KIF4A: variants seen among roughly 807,000 people sequenced by gnomAD.
KIF4A encodes kinesin family member 4A.
A neutral mutation model predicts 105.9 loss-of-function variants in KIF4A; 7 were observed. The observed-to-expected ratio is 0.07, with a 90% confidence interval of 0.04 to 0.12. KIF4A has a LOEUF of 0.12. Ranked by LOEUF, KIF4A falls within the 10% of genes least tolerant of loss-of-function variation. The pLI, the probability that KIF4A is intolerant of heterozygous loss-of-function variation, is 1.00. For synonymous variants in KIF4A, 281 were observed against 331.3 expected, an observed-to-expected ratio of 0.85 and a Z score of 1.65; for missense variants, 558 against 929.2, an observed-to-expected ratio of 0.60 and a Z score of 5.19.
At chrX:70,377,231 C>A (rs1421939923) in intron 18 of KIF4A, among the ~76,000 whole-genome samples, 1 of 110,857 alleles carries the variant, frequency 9.0e-6, no homozygotes, top group Non-Finnish European at 1.9e-5. Context: ...CACCATCACA[C>A]CTGGCAAATT....
intron 13 of KIF4A, among the ~76,000 whole-genome samples, chrX:70,349,080 AG>A (rs2086008390): frequency 1.0e-5 from 1 of 97,083 alleles, no homozygotes; most frequent in Admixed American, 1.1e-4. Flanking sequence ...CACCTCCCAG[AG>A]GGGGCGGCCG....
At position 70,370,385 on chromosome X, in the gene KIF4A, TA is replaced by T. The variant is rs759761127; in HGVS notation, c.1675-3765del. Among the ~76,000 whole-genome samples, 460 of 108,823 alleles carry T rather than the reference TA, an allele frequency of 4.2e-3. 4 individuals are homozygous for T. Among genetic ancestry groups the T allele is most frequent in the African/African-American group, 0.014 (436 of 30,221 alleles). The allele number at this position is 108,823 out of a possible 115,157, so 94.5% of individuals were successfully genotyped here. On this transcript the variant is annotated intron_variant, in intron 15 of 30. Transcript: ENST00000374403. ...AGACTTGACCTTTACAAGTATTATC[TA>T]TTTTTTTATATAAATATATTTATAT...
intron 20 of KIF4A, among the ~76,000 whole-genome samples, chrX:70,387,590 G>T (rs1310259320): frequency 8.9e-6 from 1 of 111,772 alleles, no homozygotes; most frequent in East Asian, 2.8e-4. Flanking sequence ...CAATTTGGCC[G>T]GGCATGGTGG....
chrX:70,375,292 C>G lies in KIF4A; in HGVS notation c.1867C>G (p.Leu623Val), dbSNP rs753527161. The change falls in exon 17 of 31, where the codon CTG (leucine) becomes GTG (valine). Residue 623 changes from leucine to valine, a missense_variant. Physicochemically the swap from Leu to Val is conservative, Grantham distance 32. Transcript: ENST00000374403. Reference protein sequence around the residue: ...KKKLNEQSKLLKLKESTERTV... With the variant: ...KKKLNEQSKLVKLKESTERTV... The stretch of plus-strand genomic sequence containing the variant: ...GAAACTGAATGAGCAGTCCAAACTT[C>G]TGAAACTAAAGGAATCCACAGAGCG... 8.3e-7 allele frequency: 1 copy of G among 1,209,458 alleles called. No individual in the cohort carries two copies. The highest frequency in any genetic ancestry group is 3.0e-5 in the East Asian group (1 of 33,767).
At chrX:70,355,856 T>A (rs767657970) in intron 15 of KIF4A, among the ~76,000 whole-genome samples, 15 of 111,777 alleles carry the variant, frequency 1.3e-4, no homozygotes, top group Non-Finnish European at 2.6e-4. Flanking sequence ...CCAGCTCTCA[T>A]ACGTTTTCAG....
At chrX:70,312,627 T>C (rs949421472) in intron 7 of KIF4A, among the ~76,000 whole-genome samples, 12 of 112,368 alleles carry the variant, frequency 1.1e-4, no homozygotes, top group African/African-American at 3.9e-4. Flanking sequence ...TCCTATAAAT[T>C]GGTAATTCGA....
rs759715230 is a variant in KIF4A at position 70,293,683 on chromosome X, G to A, written c.235+2878G>A. Among the ~76,000 whole-genome samples, 15 of 112,002 alleles carry A rather than the reference G, an allele frequency of 1.3e-4. No individual in the cohort carries two copies. The East Asian group carries it at 3.1e-3, about 23-fold the overall frequency. ...TGTTACTGTACTGAATACTGTAGGC[G>A]GTTGTAACATCATGGAAAATATTTG... On this transcript the variant is annotated intron_variant, in intron 3 of 30. Coordinates refer to ENST00000374403, the MANE Select transcript of KIF4A (RefSeq NM_012310.5).
intron 14 of KIF4A, 74 bp from the exon 15 acceptor site, chrX:70,353,548 A>G: frequency 2.2e-6 from 2 of 910,085 alleles, no homozygotes; most frequent in East Asian, 3.2e-5. Flanking sequence ...TGCCTGTGAG[A>G]CTTGATGAAA....
chrX:70,290,825 C>T lies in KIF4A; in HGVS notation c.235+20C>T. ...TTAAAGGTAAGGCGATTTGATTCCT[C>T]GAACGTAACATATATATTCCTTGAG... On this transcript the variant is annotated intron_variant, in intron 3 of 30. Transcript: ENST00000374403. The T allele has an allele frequency of 2.0e-6, 2 of 1,021,795 alleles. No homozygotes were observed. Among genetic ancestry groups the T allele is most frequent in the Non-Finnish European group, 2.8e-6 (2 of 723,246 alleles). 84.2% of individuals were successfully genotyped at this position (1,021,795 alleles called of 1,213,427 possible). A position where few individuals can be genotyped will look rare whatever the true frequency, so the allele number is the denominator to read the frequency against.
chrX:70,357,183 G>A (rs374263687), intron 15 of KIF4A, among the ~76,000 whole-genome samples: 76 of 110,972 alleles, frequency 6.8e-4, no homozygotes, highest in African/African-American at 2.3e-3. Flanking sequence ...GCATGGTGGC[G>A]GGCGCCTGTA....
In KIF4A at chrX:70,394,169, G is replaced by T. The variant is rs182959687; in HGVS notation, c.2233-1502G>T. Reference sequence around the variant, plus strand: ...GTGTGAGCTACCACACCCAGCCAAGGTGTGGTTCTTATAGGCAGCATATAT... The same window carrying T: ...GTGTGAGCTACCACACCCAGCCAAGTTGTGGTTCTTATAGGCAGCATATAT... On this transcript the variant is annotated intron_variant, in intron 20 of 30. Coordinates refer to ENST00000374403, the MANE Select transcript of KIF4A (RefSeq NM_012310.5). Among the ~76,000 whole-genome samples the T allele has an allele frequency of 7.3e-4, 77 of 105,531 alleles. No homozygotes were observed. The East Asian group carries it at 0.019, about 26-fold the overall frequency. The allele number at this position is 105,531 out of a possible 115,157, so 91.6% of individuals were successfully genotyped here.
intron 15 of KIF4A, among the ~76,000 whole-genome samples, chrX:70,366,171 G>A (rs190006153): frequency 9.0e-6 from 1 of 111,034 alleles, no homozygotes; most frequent in African/African-American, 3.3e-5. Flanking sequence ...AGCGGTCTAT[G>A]AATTTTGTTG....
At chrX:70,310,916 G>A (rs1054034942) in intron 7 of KIF4A, among the ~76,000 whole-genome samples, 7 of 110,073 alleles carry the variant, frequency 6.4e-5, no homozygotes, top group East Asian at 2.9e-4. Context: ...GCTTGAGCCC[G>A]GGAGTTGGAG....
intron 14 of KIF4A, among the ~76,000 whole-genome samples, chrX:70,353,117 G>T (rs1443631778): frequency 1.8e-5 from 2 of 112,436 alleles, no homozygotes; most frequent in Non-Finnish European, 3.8e-5. Context: ...GATAAAATGT[G>T]TTAGATGTTG....
Position 70,355,739 on chromosome X carries a change from A to G in KIF4A, c.1674+1932A>G, listed in dbSNP as rs750921140. ...CCGGTGCAGAGAAGTAAACTAAGGCACAGAGTTCAGCGGCAGAGCTGGGAG... is the reference window on the plus strand; with the variant it reads ...CCGGTGCAGAGAAGTAAACTAAGGCGCAGAGTTCAGCGGCAGAGCTGGGAG... On this transcript the variant is annotated intron_variant, in intron 15 of 30. Coordinates refer to ENST00000374403, the MANE Select transcript of KIF4A (RefSeq NM_012310.5). 4.5e-5 allele frequency among the ~76,000 whole-genome samples: 5 copies of G among 111,271 alleles called. No individual in the cohort carries two copies. In the East Asian group the frequency reaches 1.4e-3, roughly 32 times the overall value.
chrX:70,309,163 T>G (rs1284285982), intron 7 of KIF4A, among the ~76,000 whole-genome samples: 1 of 112,070 alleles, frequency 8.9e-6, no homozygotes, highest in Non-Finnish European at 1.9e-5. Flanking sequence ...TAAATACTAT[T>G]AAATATTGCA....
intron 15 of KIF4A, among the ~76,000 whole-genome samples, chrX:70,363,579 A>C (rs1292966400): frequency 1.8e-5 from 2 of 111,229 alleles, no homozygotes; most frequent in African/African-American, 6.6e-5. Context: ...TGAACTCATC[A>C]TTTTTTATGG....
chrX:70,374,072 T>C, intron 15 of KIF4A, 79 bp from the exon 16 acceptor site: 1 of 540,537 alleles, frequency 1.9e-6, no homozygotes, highest in South Asian at 4.2e-5. Context: ...CATAGTTCCT[T>C]GAGACATGGA....
intron 22 of KIF4A, among the ~76,000 whole-genome samples, chrX:70,400,474 G>A (rs1438130433): frequency 2.7e-5 from 3 of 111,515 alleles, no homozygotes; most frequent in Non-Finnish European, 5.6e-5. Context: ...CGCTTGTTGA[G>A]TTTTAGTGTA....
Sources: gnomAD v4.1 joint callset for allele counts (sites outside exome capture counted in the v4.1 genomes callset) on GRCh38, gnomAD v4.1.1 for gene constraint, MANE v1.5 for transcripts, NCBI Gene and HGNC (gene_info 2026-07-23, HGNC 2026-07-21) for gene names.